Variants in GABRG3 observed in about 807,000 individuals in gnomAD.
GABRG3 encodes gamma-aminobutyric acid receptor subunit gamma-3.
A neutral mutation model predicts 48.8 loss-of-function variants in GABRG3; 25 were observed. The observed-to-expected ratio is 0.51, with a 90% CI of 0.37 to 0.72. The LOEUF (loss-of-function observed/expected upper bound fraction) is 0.72. Among genes scored for constraint, GABRG3 ranks in the 30% least tolerant of loss-of-function variants. The probability of loss-of-function intolerance (pLI) is 0.00; values close to 1 mark genes in which losing one functional copy is unlikely to be tolerated. For synonymous variants in GABRG3, 227 were observed against 217.6 expected, an observed-to-expected ratio of 1.04 and a Z score of -0.38; for missense variants, 394 against 577.9, an observed-to-expected ratio of 0.68 and a Z score of 3.26.
intron 3 of GABRG3, among the ~76,000 whole-genome samples, chr15:27,041,649 G>C (rs1286291002): frequency 6.6e-6 from 1 of 152,180 alleles, no homozygotes. Context: ...TTCGTAGTGT[G>C]TTCATGTACT....
chr15:26,987,607 G>A (rs952503455), intron 2 of GABRG3, among the ~76,000 whole-genome samples: 2 of 152,142 alleles, frequency 1.3e-5, no homozygotes, highest in African/African-American at 2.4e-5. Flanking sequence ...CGTCAGAACC[G>A]CCGGAAGAGC....
chr15:27,221,156 G>T (rs1229108513), intron 3 of GABRG3, among the ~76,000 whole-genome samples: 1 of 152,148 alleles, frequency 6.6e-6, no homozygotes, highest in Non-Finnish European at 1.5e-5. Flanking sequence ...AAAATCTTAT[G>T]AGACGTTTGA....
intron 3 of GABRG3, among the ~76,000 whole-genome samples, chr15:27,186,088 T>A (rs908170723): frequency 1.2e-4 from 18 of 151,818 alleles, no homozygotes; most frequent in African/African-American, 4.4e-4. Context: ...AGGTATATTG[T>A]GTGATGCTGG....
chr15:27,153,082 C>CT (rs1898350821), intron 3 of GABRG3, among the ~76,000 whole-genome samples: 1 of 152,038 alleles, frequency 6.6e-6, no homozygotes, highest in South Asian at 2.1e-4. Flanking sequence ...AGGATGGTCT[C>CT]GATCTCCTGA....
intron 5 of GABRG3, among the ~76,000 whole-genome samples, chr15:27,379,523 C>A (rs997493877): frequency 2.6e-5 from 4 of 152,062 alleles, no homozygotes; most frequent in African/African-American, 9.7e-5. Context: ...AGCGGTCTTC[C>A]TTCCTTCCTG....
At chr15:27,360,220 G>GAC (rs1437393281) in intron 5 of GABRG3, among the ~76,000 whole-genome samples, 2 of 152,168 alleles carry the variant, frequency 1.3e-5, no homozygotes, top group Non-Finnish European at 2.9e-5. Flanking sequence ...AACAGACTTA[G>GAC]ACACACACAG....
At position 27,109,721 on chromosome 15, in the gene GABRG3, A is replaced by G. The variant is rs555658970; in HGVS notation, c.270+82900A>G. Among the ~76,000 whole-genome samples, 5 of 152,266 alleles carry G rather than the reference A, an allele frequency of 3.3e-5. No homozygotes were observed. The South Asian group carries it at 1.0e-3, about 32-fold the overall frequency. ...AACATGGCAAAACCTGTCTCTACTA[A>G]AAGTACAACAATTAGCCGGATGTGG... On this transcript the variant is annotated intron_variant, in intron 3 of 9. Transcript: ENST00000615808.
chr15:27,266,197 G>T (rs1309020923), intron 3 of GABRG3, among the ~76,000 whole-genome samples: 1 of 151,488 alleles, frequency 6.6e-6, no homozygotes, highest in Non-Finnish European at 1.5e-5. Context: ...TTTTTTTCTG[G>T]AAGTTTTAGT....
intron 3 of GABRG3, among the ~76,000 whole-genome samples, chr15:27,034,471 CTCTT>C (rs1309996853): frequency 1.3e-5 from 2 of 152,154 alleles, no homozygotes; most frequent in East Asian, 3.9e-4. Context: ...GGAAGAATAA[CTCTT>C]TCCACACTAA....
chr15:27,302,559 C>T (rs1390987566), intron 3 of GABRG3, among the ~76,000 whole-genome samples: 2 of 152,006 alleles, frequency 1.3e-5, no homozygotes, highest in Admixed American at 6.6e-5. Flanking sequence ...TCAACATCCA[C>T]ACCTCAGTAA....
chr15:26,984,223 T>G (rs886918426), intron 2 of GABRG3, among the ~76,000 whole-genome samples: 2 of 151,946 alleles, frequency 1.3e-5, no homozygotes, highest in South Asian at 4.2e-4. Flanking sequence ...GGACTGGTCT[T>G]TTTTTTTCCC....
intron 3 of GABRG3, among the ~76,000 whole-genome samples, chr15:27,156,567 T>G (rs1404516376): frequency 6.6e-6 from 1 of 152,168 alleles, no homozygotes; most frequent in African/African-American, 2.4e-5. Context: ...TCAGTCTTAT[T>G]ATGATTGTTT....
At chr15:27,429,744 C>A (rs1888394945) in intron 5 of GABRG3, among the ~76,000 whole-genome samples, 1 of 152,130 alleles carries the variant, frequency 6.6e-6, no homozygotes, top group African/African-American at 2.4e-5. Flanking sequence ...TATATTAGTA[C>A]CGCATTCCTT....
At chr15:27,285,301 GTTTTC>G (rs1012974031) in intron 3 of GABRG3, among the ~76,000 whole-genome samples, 1 of 118,180 alleles carries the variant, frequency 8.5e-6, no homozygotes, top group Non-Finnish European at 1.8e-5. Flanking sequence ...GTGTGTGTGT[GTTTTC>G]TTCTTTGCCC....
chr15:27,303,206 T>G (rs1365574122), intron 3 of GABRG3, among the ~76,000 whole-genome samples: 1 of 150,756 alleles, frequency 6.6e-6, no homozygotes, highest in Non-Finnish European at 1.5e-5. Context: ...TATTTGTAAA[T>G]GCATTCAAGA....
chr15:27,381,072 T>C (rs1307567561), intron 5 of GABRG3, among the ~76,000 whole-genome samples: 1 of 152,078 alleles, frequency 6.6e-6, no homozygotes, highest in Non-Finnish European at 1.5e-5. Context: ...GCCTCTGTGG[T>C]CTTACTGGTA....
At chr15:27,315,383 C>A (rs1893178579) in intron 3 of GABRG3, among the ~76,000 whole-genome samples, 1 of 152,150 alleles carries the variant, frequency 6.6e-6, no homozygotes, top group Admixed American at 6.5e-5. Flanking sequence ...ACAAAATATA[C>A]ACATTAAATA....
At chr15:27,373,003 C>T (rs1248370086) in intron 5 of GABRG3, among the ~76,000 whole-genome samples, 1 of 152,190 alleles carries the variant, frequency 6.6e-6, no homozygotes, top group Non-Finnish European at 1.5e-5. Context: ...TCTTCACCTA[C>T]AAAATGCTCA....
rs1159117122 is a variant in GABRG3 at position 27,538,153 on chromosome 15, T to A, written c.*5272T>A. 3 of 152,256 alleles carry A rather than the reference T, an allele frequency of 2.0e-5. No homozygotes were observed. Among genetic ancestry groups the A allele is most frequent in the African/African-American group, 7.2e-5 (3 of 41,464 alleles). 9.4% of individuals were successfully genotyped at this position (152,256 alleles called of 1,614,324 possible). The stretch of plus-strand genomic sequence containing the variant: ...CACCGCGCCCAACCTGTATTTACTT[T>A]TTTAATGCCACCTAGCTGAATAATG... On this transcript the variant is annotated 3_prime_UTR_variant, in exon 10 of 10. Coordinates refer to ENST00000615808, the MANE Select transcript of GABRG3 (RefSeq NM_033223.5).
Sources: gnomAD v4.1 joint callset for allele counts (sites outside exome capture counted in the v4.1 genomes callset) on GRCh38, gnomAD v4.1.1 for gene constraint, MANE v1.5 for transcripts, NCBI Gene and HGNC (gene_info 2026-07-23, HGNC 2026-07-21) for gene names.